USH2A: variants seen among roughly 807,000 people sequenced by gnomAD.
USH2A encodes the protein usherin.
In USH2A, 443 loss-of-function variants were observed where a neutral mutation model predicts 538.9. The ratio of observed to expected loss-of-function variants is 0.82; its 90% CI spans 0.76 to 0.89. USH2A has a LOEUF of 0.89. Among genes scored for constraint, USH2A ranks in the 40% least tolerant of loss-of-function variants. The pLI is 0.00. For missense variants in USH2A, 6,633 were observed against 6,324.8 expected, an observed-to-expected ratio of 1.05 and a Z score of -1.65; for synonymous variants, 2,413 against 2,273.5, an observed-to-expected ratio of 1.06 and a Z score of -1.75.
intron 14 of USH2A, among the ~76,000 whole-genome samples, chr1:216,226,933 A>G (rs1029665993): frequency 6.6e-6 from 1 of 152,140 alleles, no homozygotes; most frequent in African/African-American, 2.4e-5. Flanking sequence ...CTTCTCAGTT[A>G]GATTTGCCAG....
intron 37 of USH2A, among the ~76,000 whole-genome samples, chr1:215,954,500 T>G (rs1054267675): frequency 1.1e-4 from 15 of 134,552 alleles, no homozygotes; most frequent in Non-Finnish European, 1.5e-4. Context: ...CACTCATAGG[T>G]GGGAATTGAA....
intron 3 of USH2A, among the ~76,000 whole-genome samples, chr1:216,376,220 TAAAATA>T (rs1354109832): frequency 2.0e-5 from 3 of 152,070 alleles, no homozygotes; most frequent in South Asian, 2.1e-4. Flanking sequence ...TGTAAAAAAA[TAAAATA>T]AAAATAAAAA....
chr1:215,809,992 C>T (rs1662620436), intron 49 of USH2A, among the ~76,000 whole-genome samples: 1 of 152,032 alleles, frequency 6.6e-6, no homozygotes, highest in South Asian at 2.1e-4. Flanking sequence ...ACAGAGGTCA[C>T]AAAATAATCT....
At chr1:215,683,665 A>T (rs1177581126) in intron 61 of USH2A, among the ~76,000 whole-genome samples, 1 of 152,006 alleles carries the variant, frequency 6.6e-6, no homozygotes, top group African/African-American at 2.4e-5. Flanking sequence ...ACTAAAGACG[A>T]TTTTCCTTCC....
intron 55 of USH2A, among the ~76,000 whole-genome samples, chr1:215,771,077 A>T (rs1013022087): frequency 1.3e-5 from 2 of 151,062 alleles, no homozygotes; most frequent in South Asian, 4.2e-4. Context: ...CAGTGAGCTG[A>T]GATCCTGCCA....
chr1:215,776,240 A>G (rs1661464362), intron 55 of USH2A, among the ~76,000 whole-genome samples: 1 of 152,220 alleles, frequency 6.6e-6, no homozygotes, highest in African/African-American at 2.4e-5. Context: ...AGCGAATATG[A>G]GAAGATGATG....
At chr1:216,304,716 A>G (rs12092366) in intron 9 of USH2A, among the ~76,000 whole-genome samples, 4,230 of 152,042 alleles carry the variant, frequency 0.028, 212 homozygotes, top group African/African-American at 0.095. Context: ...TTGTGTCACT[A>G]TATCAAACAA....
At chr1:216,122,389 A>G (rs2033155398) in intron 21 of USH2A, among the ~76,000 whole-genome samples, 1 of 152,180 alleles carries the variant, frequency 6.6e-6, no homozygotes. Flanking sequence ...TAAGCATAAC[A>G]ATAGGTGAAA....
At position 215,709,624 on chromosome 1, in the gene USH2A, T is replaced by C. The variant is rs144780299; in HGVS notation, c.12066+18406A>G. 6.7e-4 allele frequency among the ~76,000 whole-genome samples: 86 copies of C among 128,772 alleles called. No homozygotes were observed. The East Asian group carries it at 0.019, about 28-fold the overall frequency. The allele number at this position is 128,772 out of a possible 152,430, so 84.5% of individuals were successfully genotyped here. A position where few individuals can be genotyped will look rare whatever the true frequency, so the allele number is the denominator to read the frequency against. ...AAGTCCAGTAATACTTTTTGGAAGA[T>C]AGATGCTTGAAGATAATTTGTAAAA... On this transcript the variant is annotated intron_variant, in intron 61 of 71. Transcript: ENST00000307340.
intron 37 of USH2A, among the ~76,000 whole-genome samples, chr1:215,936,998 G>C (rs1162064007): frequency 1.3e-5 from 2 of 152,108 alleles, no homozygotes; most frequent in African/African-American, 2.4e-5. Flanking sequence ...TTTAGGGATG[G>C]AGGAAGTCAC....
At chr1:216,274,133 C>A (rs538550017) in intron 11 of USH2A, among the ~76,000 whole-genome samples, 1 of 152,178 alleles carries the variant, frequency 6.6e-6, no homozygotes, top group East Asian at 1.9e-4. Context: ...CCAAGTCAAT[C>A]AATTCACAGG....
chr1:215,740,876 C>T (rs1396014176), intron 60 of USH2A, among the ~76,000 whole-genome samples: 4 of 152,104 alleles, frequency 2.6e-5, no homozygotes, highest in Non-Finnish European at 4.4e-5. Context: ...ACCTAGATCC[C>T]CCACATGCGC....
intron 52 of USH2A, among the ~76,000 whole-genome samples, chr1:215,783,599 T>C (rs1031843291): frequency 6.6e-6 from 1 of 152,214 alleles, no homozygotes; most frequent in African/African-American, 2.4e-5. Context: ...TGAACACTCA[T>C]GTGATTCAGT....
Position 216,289,313 on chromosome 1 carries a change from A to G in USH2A, c.1938T>C (p.Val646=). ...AAAGAATGCTACCATTTCTAGTGCCAACTGTATCACAGTCACAGGGTTTGC... is the reference window on the plus strand; with the variant it reads ...AAAGAATGCTACCATTTCTAGTGCCGACTGTATCACAGTCACAGGGTTTGC... ...DVCKPCDCDT[V]GTRNGSILCD... is the part of the protein sequence containing the mutation. Residue 646 remains valine, a synonymous_variant, in exon 11 of 72, where the codon GTT becomes GTC. Coordinates refer to ENST00000307340, the MANE Select transcript of USH2A (RefSeq NM_206933.4). 1.2e-6 allele frequency: 2 copies of G among 1,613,996 alleles called. No homozygotes were observed. Among genetic ancestry groups the G allele is most frequent in the Non-Finnish European group, 1.7e-6 (2 of 1,179,876 alleles).
At chr1:216,162,777 C>T (rs999688980) in intron 21 of USH2A, among the ~76,000 whole-genome samples, 2 of 152,060 alleles carry the variant, frequency 1.3e-5, no homozygotes, top group African/African-American at 2.4e-5. Context: ...TAAGTCCAAA[C>T]TCCATGTGTG....
chr1:216,066,622 T>A (rs1344080626), intron 30 of USH2A, among the ~76,000 whole-genome samples: 1 of 152,156 alleles, frequency 6.6e-6, no homozygotes, highest in East Asian at 1.9e-4. Flanking sequence ...TTTACATACA[T>A]ATGAATTCGT....
chr1:215,909,922 A>C (rs1665733486), intron 38 of USH2A, among the ~76,000 whole-genome samples: 1 of 151,982 alleles, frequency 6.6e-6, no homozygotes, highest in Non-Finnish European at 1.5e-5. Flanking sequence ...TTGGTGTAGG[A>C]AGAAAAAAAA....
intron 15 of USH2A, among the ~76,000 whole-genome samples, chr1:216,211,383 G>A (rs989234961): frequency 2.6e-5 from 4 of 152,230 alleles, no homozygotes; most frequent in South Asian, 4.1e-4. Flanking sequence ...GGTATATAGC[G>A]CAAGAGTTGA....
At chr1:216,319,757 T>C (rs2037572033) in intron 9 of USH2A, among the ~76,000 whole-genome samples, 1 of 152,186 alleles carries the variant, frequency 6.6e-6, no homozygotes, top group Non-Finnish European at 1.5e-5. Context: ...TTCTTACCAT[T>C]GAACTATTCT....
Sources: gnomAD v4.1 joint callset for allele counts (sites outside exome capture counted in the v4.1 genomes callset) on GRCh38, gnomAD v4.1.1 for gene constraint, MANE v1.5 for transcripts, NCBI Gene and HGNC (gene_info 2026-07-23, HGNC 2026-07-21) for gene names.